Variants in SLC28A1 observed in about 807,000 individuals in gnomAD.
The protein encoded by SLC28A1 is sodium/nucleoside cotransporter 1.
SLC28A1 carries 64 observed loss-of-function variants against 74.8 expected under a neutral mutation model. The ratio of observed to expected loss-of-function variants is 0.86; its 90% CI spans 0.70 to 1.05. The LOEUF (loss-of-function observed/expected upper bound fraction) is 1.05, where lower values mean the gene tolerates loss of function less well. SLC28A1 is among the 50% of genes least tolerant of loss of function. The pLI is 0.00. For synonymous variants in SLC28A1, 359 were observed against 335.0 expected, an observed-to-expected ratio of 1.07 and a Z score of -0.78; for missense variants, 828 against 822.8, an observed-to-expected ratio of 1.01 and a Z score of -0.08.
At chr15:84,923,919 C>T (rs972477878) in intron 11 of SLC28A1, 66 bp from the exon 12 acceptor site, 2 of 1,610,360 alleles carry the variant, frequency 1.2e-6, no homozygotes, top group African/African-American at 2.7e-5. Flanking sequence ...TCACTGTGAC[C>T]TGTGAAGGGA....
At chr15:84,970,606 G>T in the SLC28A1 span, among the ~76,000 whole-genome samples, 1 of 152,184 alleles carries the variant, frequency 6.6e-6, no homozygotes. Context: ...CTTGGTGGCA[G>T]TCGGGGGTAA....
At chr15:84,926,809 G>GA (rs567451179) in intron 12 of SLC28A1, among the ~76,000 whole-genome samples, 2 of 141,020 alleles carry the variant, frequency 1.4e-5, no homozygotes, top group African/African-American at 5.2e-5. Flanking sequence ...GGGAGGGGGG[G>GA]GGTGGTGGTA....
Position 84,904,253 on chromosome 15 carries a change from T to C in SLC28A1, c.603+15T>C. ...ATCATTGCGCAGTGAGTGCTAGTTG[T>C]GGGGCCCAGGGCTGGAAGTGTTTGC... On this transcript the variant is annotated intron_variant, in intron 7 of 18. Transcript: ENST00000394573. 1 of 1,613,444 alleles carries C rather than the reference T, an allele frequency of 6.2e-7. No homozygotes were observed. Among genetic ancestry groups the C allele is most frequent in the Non-Finnish European group, 8.5e-7 (1 of 1,180,006 alleles).
chr15:84,895,874 G>A (rs879161926), intron 6 of SLC28A1: 16 of 1,058,314 alleles, frequency 1.5e-5, no homozygotes, highest in Admixed American at 4.9e-5. Flanking sequence ...CTAAGTCAGG[G>A]GGATGCAGGG....
chr15:84,967,333 C>A, the SLC28A1 span, among the ~76,000 whole-genome samples: 11 of 152,164 alleles, frequency 7.2e-5, no homozygotes, highest in Non-Finnish European at 1.2e-4. Context: ...CTTTCTACCC[C>A]CCACCTCACC....
intron 12 of SLC28A1, among the ~76,000 whole-genome samples, chr15:84,925,592 T>G (rs888851851): frequency 6.6e-6 from 1 of 152,070 alleles, no homozygotes; most frequent in African/African-American, 2.4e-5. Flanking sequence ...AGAGTGAGAC[T>G]GTGTTTCAAA....
chr15:84,929,055 T>C (rs908675384), intron 12 of SLC28A1, among the ~76,000 whole-genome samples: 1 of 152,164 alleles, frequency 6.6e-6, no homozygotes, highest in African/African-American at 2.4e-5. Context: ...CAAACACACA[T>C]AGCTATTGAG....
In SLC28A1 at chr15:84,921,036, C is replaced by G. The variant is rs768561829; in HGVS notation, c.924C>G (p.Thr308=). The change falls in exon 11 of 19, where the codon ACC becomes ACG. Residue 308 remains threonine (T), a synonymous_variant. Coordinates refer to ENST00000394573, the MANE Select transcript of SLC28A1 (RefSeq NM_004213.5). ...QVTMGTTATE[T]LSVAGNIFVS... is the part of the protein sequence containing the mutation. The stretch of plus-strand genomic sequence containing the variant: ...CCATGGGCACCACAGCCACTGAGAC[C>G]CTGAGTGTGGCTGGAAACATCTTTG... 4.3e-6 allele frequency: 7 copies of G among 1,613,910 alleles called. No individual in the cohort carries two copies. Among genetic ancestry groups the G allele is most frequent in the Non-Finnish European group, 5.9e-6 (7 of 1,179,936 alleles).
At chr15:84,948,051 G>T (rs1239231851), downstream of SLC28A1, among the ~76,000 whole-genome samples, 2 of 152,166 alleles carry the variant, frequency 1.3e-5, no homozygotes, top group Non-Finnish European at 2.9e-5. Context: ...CAGCCCATGG[G>T]TAACTCTGTC....
Position 84,935,102 on chromosome 15 carries a change from A to T in SLC28A1, c.1291A>T (p.Asn431Tyr). ...SVKVVANIAA[N>Y]LIAFLAVLDF... The stretch of plus-strand genomic sequence containing the variant: ...GAAGGTGGTCGCCAACATCGCTGCC[A>T]ACCTGATTGCGTTCCTGGCTGTGCT... The change falls in exon 14 of 19, where the codon AAC becomes TAC. Residue 431 changes from asparagine to tyrosine, a missense_variant. Asn to Tyr is a moderately radical substitution (Grantham distance 143). This residue lies in a region of SLC28A1 where 767 missense variants were observed against 753.5 expected (regional missense o/e 1.02). Coordinates refer to ENST00000394573, the MANE Select transcript of SLC28A1 (RefSeq NM_004213.5). 6.2e-7 allele frequency: 1 copy of T among 1,614,098 alleles called. No homozygotes were observed. Among genetic ancestry groups the T allele is most frequent in the Non-Finnish European group, 8.5e-7 (1 of 1,179,944 alleles).
At chr15:84,953,826 T>C in the SLC28A1 span, among the ~76,000 whole-genome samples, 1 of 152,330 alleles carries the variant, frequency 6.6e-6, no homozygotes, top group African/African-American at 2.4e-5. Context: ...GGTATATTAC[T>C]TAGGATTCTT....
chr15:84,911,961 G>A (rs1472812803), intron 9 of SLC28A1, among the ~76,000 whole-genome samples: 1 of 152,040 alleles, frequency 6.6e-6, no homozygotes, highest in East Asian at 1.9e-4. Context: ...AAATGATAGT[G>A]AGGTGGGTTT....
intron 12 of SLC28A1, among the ~76,000 whole-genome samples, chr15:84,931,321 A>G (rs1270750128): frequency 1.3e-5 from 2 of 152,066 alleles, no homozygotes; most frequent in African/African-American, 4.8e-5. Flanking sequence ...AAGAAGAAAC[A>G]TCTATTTTGC....
chr15:84,890,579 C>A, intron 5 of SLC28A1, 45 bp downstream of exon 5: 1 of 1,444,152 alleles, frequency 6.9e-7, no homozygotes, highest in Non-Finnish European at 9.6e-7. Context: ...TGACTCCTGC[C>A]TCAGCTATCC....
At chr15:84,946,112 ATTTTTTTTTT>A (rs1165709632), downstream of SLC28A1, among the ~76,000 whole-genome samples, 6 of 13,468 alleles carry the variant, frequency 4.5e-4, no homozygotes, top group African/African-American at 2.0e-3. Context: ...ATATATATAT[ATTTTTTTTTT>A]TTTTTTTTTT....
At position 84,915,970 on chromosome 15, in the gene SLC28A1, A is replaced by C. The variant is rs554368211; in HGVS notation, c.796-2554A>C. On this transcript the variant is annotated intron_variant, in intron 9 of 18. Transcript: ENST00000394573. ...TGTTGTTGTTCTTCTTCTTATTATT[A>C]TTATTATTTTAGACAGGGTCTCACT... Among the ~76,000 whole-genome samples, 684 of 151,178 alleles carry C rather than the reference A, an allele frequency of 4.5e-3. 4 individuals are homozygous for C. The highest frequency in any genetic ancestry group is 0.014 in the Middle Eastern group (4 of 294).
chr15:84,946,112 A>ATATAT (rs57190791), downstream of SLC28A1, among the ~76,000 whole-genome samples: 9 of 13,476 alleles, frequency 6.7e-4, 2 homozygotes, highest in East Asian at 0.015. Flanking sequence ...ATATATATAT[A>ATATAT]TTTTTTTTTT....
At chr15:84,925,029 T>A (rs1295699572) in intron 12 of SLC28A1, among the ~76,000 whole-genome samples, 1 of 150,264 alleles carries the variant, frequency 6.7e-6, no homozygotes, top group Non-Finnish European at 1.5e-5. Context: ...GCGTCCTGAG[T>A]AGCTAGGATT....
At position 84,933,212 on chromosome 15, in the gene SLC28A1, TG is replaced by T. The variant is rs17215989; in HGVS notation, c.1153del (p.Val385SerfsTer16). 7.6e-4 allele frequency: 1,219 copies of T among 1,613,834 alleles called. 9 individuals are homozygous for T. The African/African-American group carries it at 0.014, about 18-fold the overall frequency. On this transcript the variant is annotated frameshift_variant, in exon 13 of 19. Coordinates refer to ENST00000394573, the MANE Select transcript of SLC28A1 (RefSeq NM_004213.5). LOFTEE classifies it high-confidence loss of function. The stretch of plus-strand genomic sequence containing the variant: ...CCTTGTGCCTTGGCCCTCTCCAAGC[TG>T]GTCTACCCGGAGGTGGAGGAGTCCA... ...AAPCALALSKLVYPEVEESKF... is the reference protein window; with the variant it reads ...AAPCALALSKXVYPEVEESKF...
Sources: gnomAD v4.1 joint callset for allele counts (sites outside exome capture counted in the v4.1 genomes callset) on GRCh38, gnomAD v4.1.1 for gene constraint, gnomAD v4.1.1 regional missense constraint, MANE v1.5 for transcripts, NCBI Gene and HGNC (gene_info 2026-07-23, HGNC 2026-07-21) for gene names.